Variants in METTL25 observed in about 807,000 individuals in gnomAD.
METTL25 encodes the protein probable methyltransferase-like protein 25.
A neutral mutation model predicts 71.6 loss-of-function variants in METTL25; 64 were observed. The ratio of observed to expected loss-of-function variants is 0.89; its 90% CI spans 0.73 to 1.10. The LOEUF (loss-of-function observed/expected upper bound fraction) is 1.10, where lower values mean the gene tolerates loss of function less well. METTL25 is among the 50% of genes least tolerant of loss of function. The probability of loss-of-function intolerance (pLI) is 0.00; values close to 1 mark genes in which losing one functional copy is unlikely to be tolerated. For missense variants in METTL25, 807 were observed against 707.0 expected (o/e 1.14, Z -1.60); for synonymous variants, 287 against 250.3 (o/e 1.15, Z -1.38).
chr12:82,408,717 G>T (rs1224977644), intron 5 of METTL25, among the ~76,000 whole-genome samples: 1 of 151,826 alleles, frequency 6.6e-6, no homozygotes, highest in African/African-American at 2.4e-5. Flanking sequence ...TATTTTGTTT[G>T]TACAGTATAT....
At chr12:82,422,113 A>C (rs1325107816) in intron 5 of METTL25, among the ~76,000 whole-genome samples, 1 of 152,176 alleles carries the variant, frequency 6.6e-6, no homozygotes, top group African/African-American at 2.4e-5. Context: ...ATTTTAGACC[A>C]ATATCCGTGA....
intron 4 of METTL25, among the ~76,000 whole-genome samples, chr12:82,401,291 T>C (rs1886602020): frequency 6.6e-6 from 1 of 152,124 alleles, no homozygotes; most frequent in Non-Finnish European, 1.5e-5. Flanking sequence ...ACAATAGTTA[T>C]AAAAATGTGT....
chr12:82,417,800 G>A (rs557632488), intron 5 of METTL25, among the ~76,000 whole-genome samples: 30 of 152,152 alleles, frequency 2.0e-4, no homozygotes, highest in African/African-American at 7.2e-4. Context: ...TGAGTTTGGA[G>A]GCATGCTGTT....
intron 5 of METTL25, among the ~76,000 whole-genome samples, chr12:82,406,935 T>A (rs965285379): frequency 1.3e-5 from 2 of 152,114 alleles, no homozygotes; most frequent in African/African-American, 4.8e-5. Flanking sequence ...AATCAAGTTT[T>A]TTTTTTTCTC....
chr12:82,462,107 A>G (rs887455576), intron 9 of METTL25, among the ~76,000 whole-genome samples: 1 of 152,184 alleles, frequency 6.6e-6, no homozygotes, highest in Non-Finnish European at 1.5e-5. Context: ...TTCAGCTGCC[A>G]TTCAGTGTGC....
intron 8 of METTL25, among the ~76,000 whole-genome samples, chr12:82,450,008 C>G (rs902316715): frequency 6.6e-6 from 1 of 152,124 alleles, no homozygotes; most frequent in Non-Finnish European, 1.5e-5. Context: ...ATTCTCAGTC[C>G]TCTTCTTACT....
At chr12:82,383,327 C>T (rs1231757819) in intron 1 of METTL25, among the ~76,000 whole-genome samples, 2 of 64,762 alleles carry the variant, frequency 3.1e-5, no homozygotes, top group African/African-American at 9.3e-5. Context: ...CTTTTCTTTA[C>T]TGCTGTCCTG....
At chr12:82,477,899 T>G (rs1892971555) in intron 11 of METTL25, among the ~76,000 whole-genome samples, 1 of 151,790 alleles carries the variant, frequency 6.6e-6, no homozygotes. Flanking sequence ...CAAAATAAAG[T>G]TTGGTGAACT....
intron 1 of METTL25, among the ~76,000 whole-genome samples, chr12:82,370,637 A>G: frequency 6.6e-6 from 1 of 152,190 alleles, no homozygotes; most frequent in Non-Finnish European, 1.5e-5. Flanking sequence ...TCAATTATCA[A>G]TTATAGTTTT....
At chr12:82,427,592 G>A (rs1889135555) in intron 5 of METTL25, among the ~76,000 whole-genome samples, 1 of 151,796 alleles carries the variant, frequency 6.6e-6, no homozygotes, top group Admixed American at 6.6e-5. Context: ...TTAAATTTTT[G>A]TTTCATATTT....
intron 3 of METTL25, among the ~76,000 whole-genome samples, chr12:82,391,269 A>G (rs1885550552): frequency 6.6e-6 from 1 of 152,094 alleles, no homozygotes; most frequent in Non-Finnish European, 1.5e-5. Context: ...TGGGAATACA[A>G]AGCAGAAGCA....
At chr12:82,399,434 A>G (rs780918555) in intron 4 of METTL25, 40 bp downstream of exon 4, 1 of 1,437,326 alleles carries the variant, frequency 7.0e-7, no homozygotes, top group Admixed American at 2.3e-5. Context: ...ATTTACAAAA[A>G]CATTGTATTC....
At chr12:82,398,363 G>A (rs1886268397) in intron 3 of METTL25, among the ~76,000 whole-genome samples, 1 of 151,424 alleles carries the variant, frequency 6.6e-6, no homozygotes, top group South Asian at 2.1e-4. Flanking sequence ...CTATAGGTTT[G>A]AGCCACCAAG....
At position 82,434,724 on chromosome 12, in the gene METTL25, G is replaced by T; in HGVS notation, c.1404G>T (p.Gly468=). The T allele has an allele frequency of 6.2e-7, 1 of 1,609,006 alleles. No individual in the cohort carries two copies. Residue 468 remains glycine (G), a splice_region_variant and synonymous_variant, in exon 7 of 12, where the codon GGG becomes GGT. Transcript: ENST00000248306. ...TGGAGCGGGTTGCAGCTGGCCAAGGGGTAAGTAAGAGTGTTAACTGATGAA... is the reference window on the plus strand; with the variant it reads ...TGGAGCGGGTTGCAGCTGGCCAAGGTGTAAGTAAGAGTGTTAACTGATGAA... ...LALERVAAGQ[G]LPTESLFYRA... is the part of the protein sequence containing the mutation.
intron 5 of METTL25, among the ~76,000 whole-genome samples, chr12:82,404,500 G>C (rs1592664176): frequency 1.3e-5 from 2 of 152,046 alleles, no homozygotes; most frequent in Admixed American, 1.3e-4. Context: ...AATGTTCTGT[G>C]TATAACATTT....
chr12:82,473,808 G>A (rs1474739146), intron 9 of METTL25, among the ~76,000 whole-genome samples: 2 of 152,160 alleles, frequency 1.3e-5, no homozygotes, highest in African/African-American at 2.4e-5. Flanking sequence ...GTGTCTGGAA[G>A]TGAGTTGGTT....
chr12:82,392,763 T>A (rs1221252447), intron 3 of METTL25, among the ~76,000 whole-genome samples: 7 of 152,126 alleles, frequency 4.6e-5, no homozygotes, highest in African/African-American at 1.7e-4. Flanking sequence ...GTTTCATAGA[T>A]TCAGGTCTTA....
At chr12:82,366,051 C>T (rs1310798889) in intron 1 of METTL25, among the ~76,000 whole-genome samples, 1 of 151,900 alleles carries the variant, frequency 6.6e-6, no homozygotes, top group African/African-American at 2.4e-5. Flanking sequence ...CACTGCACAC[C>T]AGCTTGGACA....
intron 6 of METTL25, among the ~76,000 whole-genome samples, chr12:82,432,034 CTATA>C (rs1300495103): frequency 6.6e-6 from 1 of 150,994 alleles, no homozygotes; most frequent in Non-Finnish European, 1.5e-5. Context: ...TGGGAACTGT[CTATA>C]TATATATAAA....
Sources: gnomAD v4.1 joint callset for allele counts (sites outside exome capture counted in the v4.1 genomes callset) on GRCh38, gnomAD v4.1.1 for gene constraint, MANE v1.5 for transcripts, NCBI Gene and HGNC (gene_info 2026-07-23, HGNC 2026-07-21) for gene names.